Variants in EIF2AK2 observed in about 807,000 individuals in gnomAD.
The protein encoded by EIF2AK2 is eukaryotic translation initiation factor 2 alpha kinase 2, also known as interferon-induced, double-stranded RNA-activated protein kinase.
In EIF2AK2, 40 loss-of-function variants were observed where a neutral mutation model predicts 70.5. The ratio of observed to expected loss-of-function variants is 0.57; its 90% CI spans 0.44 to 0.74. The LOEUF (loss-of-function observed/expected upper bound fraction) is 0.74. EIF2AK2 is among the 30% of genes least tolerant of loss of function. The pLI, the probability that EIF2AK2 is intolerant of heterozygous loss-of-function variation, is 0.00. For missense variants in EIF2AK2, 555 were observed against 644.3 expected (o/e 0.86, Z 1.50); for synonymous variants, 198 against 220.9 (o/e 0.90, Z 0.92).
intron 15 of EIF2AK2, among the ~76,000 whole-genome samples, chr2:37,108,114 C>A (rs941811026): frequency 1.3e-5 from 2 of 151,000 alleles, no homozygotes; most frequent in Non-Finnish European, 1.5e-5. Context: ...CCATTGCACT[C>A]CAGCCTGGGC....
rs1461208780 is a variant in EIF2AK2, at chr2:37,105,790, C to G, written c.*1483G>C. 6.6e-6 allele frequency: 1 copy of G among 152,214 alleles called. No individual in the cohort carries two copies. Among genetic ancestry groups the G allele is most frequent in the Non-Finnish European group, 1.5e-5 (1 of 68,086 alleles). The allele number at this position is 152,214 out of a possible 1,614,324, so 9.4% of individuals were successfully genotyped here. ...ATCTTCTCCAGAGCTCATGCCAGAC[C>G]CCTTGTCCAGACTTCCTGGGTGGTC... is the stretch of plus-strand genomic sequence containing the variant. On this transcript the variant is annotated 3_prime_UTR_variant, in exon 17 of 17. Transcript: ENST00000233057.
At chr2:37,136,860 GCTTT>G (rs1675144366) in intron 9 of EIF2AK2, 119 bp downstream of exon 9, 1 of 856,772 alleles carries the variant, frequency 1.2e-6, no homozygotes, top group Non-Finnish European at 1.7e-6. Flanking sequence ...TAGATTTCAA[GCTTT>G]CTGCTTCTGA....
chr2:37,111,629 G>T (rs1479276981), intron 14 of EIF2AK2, among the ~76,000 whole-genome samples: 1 of 150,334 alleles, frequency 6.7e-6, no homozygotes, highest in African/African-American at 2.4e-5. Flanking sequence ...CAAGACAGGT[G>T]GATCGCTTAA....
At chr2:37,119,640 G>A (rs550795433) in intron 13 of EIF2AK2, among the ~76,000 whole-genome samples, 2 of 150,574 alleles carry the variant, frequency 1.3e-5, no homozygotes, top group African/African-American at 4.9e-5. Context: ...CACCTAGGCT[G>A]GAGTGCAGTG....
intron 11 of EIF2AK2, among the ~76,000 whole-genome samples, 183 bp from the exon 12 acceptor site, chr2:37,122,847 CAT>C (rs1265719757): frequency 6.6e-6 from 1 of 152,090 alleles, no homozygotes; most frequent in Non-Finnish European, 1.5e-5. Flanking sequence ...TGAAAAAAAA[CAT>C]AGCAGTTCTC....
At chr2:37,122,698 A>G in intron 11 of EIF2AK2, 34 bp from the exon 12 acceptor site, 1 of 1,613,562 alleles carries the variant, frequency 6.2e-7, no homozygotes, top group Non-Finnish European at 8.5e-7. Flanking sequence ...TGGCAGTGTC[A>G]GTGTACATCC....
At position 37,126,428 on chromosome 2, in the gene EIF2AK2, A is replaced by G; in HGVS notation, c.786-17T>C. The G allele has an allele frequency of 6.3e-7, 1 of 1,598,838 alleles. No individual in the cohort carries two copies. Among genetic ancestry groups the G allele is most frequent in the African/African-American group, 1.4e-5 (1 of 74,016 alleles). ...ATGCCAAACCTTAAAGATAAAAACC[A>G]CTGTTATTTTGACATTTCATGCTCA... On this transcript the variant is annotated splice_polypyrimidine_tract_variant and intron_variant, in intron 10 of 16. Coordinates refer to ENST00000233057, the MANE Select transcript of EIF2AK2 (RefSeq NM_001135651.3).
chr2:37,130,102 T>C (rs1400498289), intron 10 of EIF2AK2, among the ~76,000 whole-genome samples: 1 of 152,108 alleles, frequency 6.6e-6, no homozygotes, highest in African/African-American at 2.4e-5. Flanking sequence ...CAATATTTTA[T>C]TTTATTTTAT....
intron 10 of EIF2AK2, among the ~76,000 whole-genome samples, chr2:37,130,161 G>T (rs1238971853): frequency 6.6e-6 from 1 of 152,076 alleles, no homozygotes. Context: ...GAGCTCAATG[G>T]CGCAATCTTG....
chr2:37,147,905 G>A (rs1675611950), intron 2 of EIF2AK2, 83 bp from the exon 3 acceptor site: 2 of 915,508 alleles, frequency 2.2e-6, no homozygotes, highest in Admixed American at 2.0e-5. Flanking sequence ...AGGAGACAGA[G>A]GGGTTGGGGA....
At chr2:37,116,866 C>T (rs952075800) in intron 13 of EIF2AK2, among the ~76,000 whole-genome samples, 1 of 152,130 alleles carries the variant, frequency 6.6e-6, no homozygotes, top group Admixed American at 6.6e-5. Context: ...AATATCTAAG[C>T]TGGATGAGGC....
rs1265920080 is a variant in EIF2AK2, at chr2:37,107,172, C to G, written c.*101G>C. ...AAAAATAGTAAAAAATTAAAGGAAA[C>G]ATTAAAATAAAAGGTAAATATCTAT... is the stretch of plus-strand genomic sequence containing the variant. On this transcript the variant is annotated 3_prime_UTR_variant, in exon 17 of 17. Transcript: ENST00000233057. The G allele has an allele frequency of 7.5e-7, 1 of 1,337,576 alleles. No homozygotes were observed. The highest frequency in any genetic ancestry group is 9.8e-7 in the Non-Finnish European group (1 of 1,017,438). 82.9% of individuals were successfully genotyped at this position (1,337,576 alleles called of 1,614,324 possible).
chr2:37,120,399 G>A (rs1191686016), intron 12 of EIF2AK2, among the ~76,000 whole-genome samples: 1 of 150,212 alleles, frequency 6.7e-6, no homozygotes, highest in Non-Finnish European at 1.5e-5. Flanking sequence ...CAGCTACTCC[G>A]GGGAGGCTGA....
At chr2:37,113,534 CA>C (rs1344056461) in intron 14 of EIF2AK2, among the ~76,000 whole-genome samples, 1 of 140,190 alleles carries the variant, frequency 7.1e-6, no homozygotes, top group Non-Finnish European at 1.5e-5. Context: ...TGCAGTACCA[CA>C]AATGTCATTA....
At chr2:37,138,444 A>G in intron 7 of EIF2AK2, 65 bp downstream of exon 7, 1 of 1,603,100 alleles carries the variant, frequency 6.2e-7, no homozygotes, top group South Asian at 1.1e-5. Context: ...CCTTAAACAT[A>G]AAAATCTGTC....
chr2:37,111,517 T>G (rs1043883931), intron 14 of EIF2AK2, among the ~76,000 whole-genome samples: 1 of 151,712 alleles, frequency 6.6e-6, no homozygotes, highest in Non-Finnish European at 1.5e-5. Flanking sequence ...AATCTCATTT[T>G]AATAGCAAAA....
At position 37,122,606 on chromosome 2, in the gene EIF2AK2, A is replaced by C. The variant is rs750095651; in HGVS notation, c.967T>G (p.Tyr323Asp). 6.2e-7 allele frequency: 1 copy of C among 1,614,220 alleles called. No homozygotes were observed. The highest frequency in any genetic ancestry group is 8.5e-7 in the Non-Finnish European group (1 of 1,180,044). ...AKLDHVNIVH[Y>D]NGCWDGFDYD... ...TCAAATCCATCCCAACAGCCATTGT[A>C]GTGAACAATATTTACATGATCAAGT... Residue 323 changes from tyrosine to aspartate, a missense_variant, in exon 12 of 17, where the codon TAC becomes GAC. Around this residue, in one of 3 missense-constraint regions of EIF2AK2, gnomAD observed 299 missense variants for 375.4 expected, o/e 0.80. Coordinates refer to ENST00000233057, the MANE Select transcript of EIF2AK2 (RefSeq NM_001135651.3).
At chr2:37,117,681 G>T (rs1227522174) in intron 13 of EIF2AK2, among the ~76,000 whole-genome samples, 1 of 152,202 alleles carries the variant, frequency 6.6e-6, no homozygotes, top group Non-Finnish European at 1.5e-5. Flanking sequence ...TCAGGCTGAG[G>T]ATGACCAGAG....
At chr2:37,116,593 G>A (rs1464662310) in intron 13 of EIF2AK2, among the ~76,000 whole-genome samples, 1 of 152,222 alleles carries the variant, frequency 6.6e-6, no homozygotes, top group East Asian at 1.9e-4. Context: ...GAGCTTCCGA[G>A]AAGCCAGCTT....
Sources: allele counts gnomAD v4.1 joint callset (sites outside exome capture counted in the v4.1 genomes callset), GRCh38; gene constraint gnomAD v4.1.1; regional missense constraint gnomAD v4.1.1; transcripts MANE v1.5; gene names NCBI Gene and HGNC (gene_info 2026-07-23, HGNC 2026-07-21).